Variants in ADAMTS12 observed in about 807,000 individuals in gnomAD.
ADAMTS12 encodes A disintegrin and metalloproteinase with thrombospondin motifs 12.
A neutral mutation model predicts 167.8 loss-of-function variants in ADAMTS12; 118 were observed. The observed-to-expected ratio is 0.70, with a 90% CI of 0.61 to 0.82. The LOEUF (loss-of-function observed/expected upper bound fraction) is 0.82. ADAMTS12 is among the 40% of genes least tolerant of loss of function. ADAMTS12 has a pLI of 0.00. For synonymous variants in ADAMTS12, 704 were observed against 716.9 expected, an observed-to-expected ratio of 0.98 and a Z score of 0.29; for missense variants, 1,916 against 1,998.8, an observed-to-expected ratio of 0.96 and a Z score of 0.79.
intron 2 of ADAMTS12, among the ~76,000 whole-genome samples, chr5:33,848,215 T>TAAAA (rs779843895): frequency 2.9e-5 from 4 of 140,280 alleles, no homozygotes; most frequent in African/African-American, 1.0e-4. Flanking sequence ...AGACTCTGTT[T>TAAAA]AAAAAAAAAA....
chr5:33,655,041 T>C (rs1367817470), intron 7 of ADAMTS12, among the ~76,000 whole-genome samples: 1 of 152,142 alleles, frequency 6.6e-6, no homozygotes, highest in Non-Finnish European at 1.5e-5. Context: ...TCTCCATCTT[T>C]CAGTCTTCCT....
chr5:33,573,320 A>G (rs531316876), intron 19 of ADAMTS12, among the ~76,000 whole-genome samples: 156 of 152,324 alleles, frequency 1.0e-3, no homozygotes, highest in African/African-American at 3.4e-3. Context: ...GAACAAAGCC[A>G]GAGGCATCAC....
chr5:33,765,851 TTAAAG>T (rs2112416992), intron 2 of ADAMTS12, among the ~76,000 whole-genome samples: 1 of 152,354 alleles, frequency 6.6e-6, no homozygotes, highest in East Asian at 1.9e-4. Flanking sequence ...TTTCATAAGA[TTAAAG>T]TACAATACTT....
chr5:33,828,473 A>C (rs1208283061), intron 2 of ADAMTS12, among the ~76,000 whole-genome samples: 1 of 152,162 alleles, frequency 6.6e-6, no homozygotes, highest in East Asian at 1.9e-4. Flanking sequence ...AGAAATGCTT[A>C]ATTTTATATA....
intron 2 of ADAMTS12, among the ~76,000 whole-genome samples, chr5:33,879,895 G>C (rs1750367617): frequency 6.6e-6 from 1 of 152,210 alleles, no homozygotes; most frequent in South Asian, 2.1e-4. Flanking sequence ...TTTGGAACAA[G>C]TGCCTTTTGT....
chr5:33,657,088 T>A (rs1012976025), intron 7 of ADAMTS12, among the ~76,000 whole-genome samples: 18 of 152,328 alleles, frequency 1.2e-4, no homozygotes, highest in African/African-American at 3.1e-4. Flanking sequence ...TCTAAGGTCA[T>A]AATATTGGTC....
At chr5:33,702,857 T>A (rs980707209) in intron 3 of ADAMTS12, among the ~76,000 whole-genome samples, 1 of 152,308 alleles carries the variant, frequency 6.6e-6, no homozygotes, top group African/African-American at 2.4e-5. Flanking sequence ...CCCTCATGCC[T>A]TGGCATTAGG....
chr5:33,747,855 T>C (rs1053323355), intron 3 of ADAMTS12, among the ~76,000 whole-genome samples: 1 of 152,212 alleles, frequency 6.6e-6, no homozygotes, highest in African/African-American at 2.4e-5. Context: ...TACTTACTCA[T>C]GTCCTATATC....
In ADAMTS12 at chr5:33,649,656, G is replaced by A; in HGVS notation, c.1232C>T (p.Pro411Leu). 2 of 1,614,024 alleles carry A rather than the reference G, an allele frequency of 1.2e-6. No individual in the cohort carries two copies. The part of the protein sequence containing the change: ...QHDGKENDCE[P>L]VGRHPYIMSR... Reference sequence around the variant, plus strand: ...CATGATGTACGGATGTCTGCCCACAGGCTCACAGTCATTTTCTTTCCCATC... The same window carrying A: ...CATGATGTACGGATGTCTGCCCACAAGCTCACAGTCATTTTCTTTCCCATC... Residue 411 changes from proline to leucine, a missense_variant, in exon 8 of 24, where the codon CCT (proline) becomes CTT (leucine). By Grantham distance (98) the Pro-to-Leu change is moderately conservative. Coordinates refer to ENST00000504830, the MANE Select transcript of ADAMTS12 (RefSeq NM_030955.4).
intron 3 of ADAMTS12, among the ~76,000 whole-genome samples, chr5:33,735,538 T>C (rs1313456853): frequency 6.6e-6 from 1 of 152,226 alleles, no homozygotes; most frequent in Non-Finnish European, 1.5e-5. Flanking sequence ...TATCAGGCTG[T>C]ACAAAACAGA....
chr5:33,698,766 C>T (rs997832841), intron 3 of ADAMTS12, among the ~76,000 whole-genome samples: 2 of 152,184 alleles, frequency 1.3e-5, no homozygotes, highest in African/African-American at 2.4e-5. Context: ...GATGAAACCC[C>T]GTCTCTACTA....
chr5:33,599,717 A>C (rs1279719083), intron 16 of ADAMTS12, among the ~76,000 whole-genome samples: 1 of 152,178 alleles, frequency 6.6e-6, no homozygotes, highest in African/African-American at 2.4e-5. Context: ...CCTAACTGGT[A>C]ATTTCTCCTT....
intron 2 of ADAMTS12, among the ~76,000 whole-genome samples, chr5:33,776,858 C>T (rs1395332022): frequency 2.0e-5 from 3 of 151,860 alleles, no homozygotes; most frequent in Non-Finnish European, 4.4e-5. Flanking sequence ...TCAGTTGATA[C>T]CACATAAAAC....
intron 14 of ADAMTS12, among the ~76,000 whole-genome samples, chr5:33,622,233 T>A (rs1035445409): frequency 1.1e-4 from 17 of 152,146 alleles, no homozygotes; most frequent in Admixed American, 1.3e-4. Flanking sequence ...TAGAGTTGGA[T>A]TTCCTAAGGG....
intron 8 of ADAMTS12, 139 bp from the exon 9 acceptor site, chr5:33,649,105 T>A: frequency 1.0e-6 from 1 of 987,714 alleles, no homozygotes. Context: ...GAGAACTCTC[T>A]AGGCCCATCA....
chr5:33,591,607 A>G (rs1747640951), intron 17 of ADAMTS12, among the ~76,000 whole-genome samples: 1 of 152,022 alleles, frequency 6.6e-6, no homozygotes, highest in Non-Finnish European at 1.5e-5. Context: ...ATTATATCCC[A>G]TTCCTCCAGC....
chr5:33,721,488 A>G (rs185258422), intron 3 of ADAMTS12, among the ~76,000 whole-genome samples: 5 of 152,306 alleles, frequency 3.3e-5, no homozygotes, highest in African/African-American at 1.2e-4. Context: ...TAGCTCCAAC[A>G]TGGCTGGAGA....
chr5:33,785,866 A>C lies in ADAMTS12; in HGVS notation c.490-34318T>G, dbSNP rs559252801. On this transcript the variant is annotated intron_variant, in intron 2 of 23. Transcript: ENST00000504830. The stretch of plus-strand genomic sequence containing the variant: ...TATTCACACAAAGATTTGTGTGCAA[A>C]TATTCATAGCAGCATTATTTATAAT... Among the ~76,000 whole-genome samples the C allele has an allele frequency of 2.0e-5, 3 of 152,350 alleles. No homozygotes were observed. The East Asian group carries it at 5.8e-4, about 29-fold the overall frequency.
At chr5:33,790,547 C>T (rs1191603536) in intron 2 of ADAMTS12, among the ~76,000 whole-genome samples, 1 of 136,424 alleles carries the variant, frequency 7.3e-6, no homozygotes, top group Non-Finnish European at 1.5e-5. Flanking sequence ...CAGAGCAAGA[C>T]TCCATCTCAA....
Sources: gnomAD v4.1 joint callset for allele counts (sites outside exome capture counted in the v4.1 genomes callset) on GRCh38, gnomAD v4.1.1 for gene constraint, MANE v1.5 for transcripts, NCBI Gene and HGNC (gene_info 2026-07-23, HGNC 2026-07-21) for gene names.